CIMIP1: variants seen among roughly 807,000 people sequenced by gnomAD.
CIMIP1 encodes the protein ciliary microtubule inner protein 1.
At chr20:58,153,570 A>G in the CIMIP1 span, 4 of 1,614,076 alleles carry the variant, frequency 2.5e-6, no homozygotes, top group African/African-American at 5.3e-5. Context: ...GCTGAATCGG[A>G]AGCACGGCAG....
chr20:58,155,029 C>G, the CIMIP1 span, among the ~76,000 whole-genome samples: 1 of 152,208 alleles, frequency 6.6e-6, no homozygotes, highest in Admixed American at 6.5e-5. Context: ...TGGTCTTGAA[C>G]TCCTGAGCTC....
chr20:58,153,405 C>A, the CIMIP1 span: 2 of 658,668 alleles, frequency 3.0e-6, no homozygotes, highest in Non-Finnish European at 5.5e-6. Flanking sequence ...ATCAGAGGTT[C>A]TCACGCTGTC....
chr20:58,159,163 G>GTTTGCATC, the CIMIP1 span, among the ~76,000 whole-genome samples: 3 of 141,124 alleles, frequency 2.1e-5, no homozygotes, highest in Admixed American at 2.1e-4. Context: ...GTCAAAGAGT[G>GTTTGCATC]TTTGCATCTG....
the CIMIP1 span, chr20:58,153,570 A>C: frequency 6.2e-7 from 1 of 1,614,194 alleles, no homozygotes; most frequent in Non-Finnish European, 8.5e-7. Context: ...GCTGAATCGG[A>C]AGCACGGCAG....
chr20:58,157,468 C>A, the CIMIP1 span, among the ~76,000 whole-genome samples: 1 of 152,200 alleles, frequency 6.6e-6, no homozygotes, highest in Admixed American at 6.5e-5. Flanking sequence ...TACACACATA[C>A]TTTTTAGGTA....
the CIMIP1 span, chr20:58,155,498 C>G: frequency 6.2e-7 from 1 of 1,614,140 alleles, no homozygotes; most frequent in Non-Finnish European, 8.5e-7. Flanking sequence ...TCTCCCCACC[C>G]CAAAGCCCAA....
the CIMIP1 span, among the ~76,000 whole-genome samples, chr20:58,152,017 C>G: frequency 2.0e-5 from 3 of 152,110 alleles, no homozygotes; most frequent in African/African-American, 7.2e-5. Flanking sequence ...TTCAGTTATC[C>G]TATTTACCCT....
chr20:58,160,563 T>G, the CIMIP1 span: 1 of 1,358,090 alleles, frequency 7.4e-7, no homozygotes, highest in Non-Finnish European at 9.9e-7. Context: ...AGGCTGGCTT[T>G]TCTTTCTGTC....
At chr20:58,156,823 C>G in the CIMIP1 span, among the ~76,000 whole-genome samples, 1 of 152,062 alleles carries the variant, frequency 6.6e-6, no homozygotes, top group East Asian at 1.9e-4. Context: ...GAAGGTGGTT[C>G]TGCGTGCTGA....
the CIMIP1 span, chr20:58,155,406 T>C: frequency 7.4e-7 from 1 of 1,359,086 alleles, no homozygotes; most frequent in Non-Finnish European, 1.0e-6. Flanking sequence ...CTGGGGATTC[T>C]GTTTCAGTAC....
At chr20:58,153,327 C>T in the CIMIP1 span, among the ~76,000 whole-genome samples, 2 of 152,172 alleles carry the variant, frequency 1.3e-5, no homozygotes, top group African/African-American at 4.8e-5. Flanking sequence ...CCCTCTCAGC[C>T]GTAACAGCCA....
At chr20:58,151,532 C>G in the CIMIP1 span, among the ~76,000 whole-genome samples, 1 of 152,126 alleles carries the variant, frequency 6.6e-6, no homozygotes, top group Admixed American at 6.5e-5. Context: ...TCTGCCTCAG[C>G]TTCCCGAGTA....
At chr20:58,154,776 C>T in the CIMIP1 span, among the ~76,000 whole-genome samples, 11 of 152,178 alleles carry the variant, frequency 7.2e-5, no homozygotes, top group African/African-American at 1.4e-4. Flanking sequence ...TTTTAAAGTT[C>T]GGTCCTGAAA....
At chr20:58,153,021 C>G in the CIMIP1 span, among the ~76,000 whole-genome samples, 1 of 152,276 alleles carries the variant, frequency 6.6e-6, no homozygotes, top group East Asian at 1.9e-4. Context: ...GGCTCGTCTA[C>G]TGCAATGCCA....
the CIMIP1 span, among the ~76,000 whole-genome samples, chr20:58,155,860 G>A: frequency 1.4e-4 from 22 of 152,352 alleles, no homozygotes; most frequent in East Asian, 3.9e-3. Flanking sequence ...TTTCCAGGGT[G>A]TGGGCAGGAA....
At chr20:58,154,088 C>T in the CIMIP1 span, among the ~76,000 whole-genome samples, 1 of 152,202 alleles carries the variant, frequency 6.6e-6, no homozygotes, top group Admixed American at 6.5e-5. Flanking sequence ...GGACACCTCA[C>T]CTGGCCTGGA....
At chr20:58,157,189 C>T in the CIMIP1 span, among the ~76,000 whole-genome samples, 1 of 152,182 alleles carries the variant, frequency 6.6e-6, no homozygotes, top group African/African-American at 2.4e-5. Flanking sequence ...AGAGTAACCA[C>T]CCCACCAGCT....
At chr20:58,155,088 G>A in the CIMIP1 span, among the ~76,000 whole-genome samples, 1 of 152,246 alleles carries the variant, frequency 6.6e-6, no homozygotes, top group African/African-American at 2.4e-5. Flanking sequence ...TTACAGGCAT[G>A]AGCCACCACA....
chr20:58,160,355 T>A, the CIMIP1 span, among the ~76,000 whole-genome samples: 1 of 152,240 alleles, frequency 6.6e-6, no homozygotes, highest in African/African-American at 2.4e-5. Flanking sequence ...CAGTGAAAAC[T>A]GTAGCACTTG....
Sources: allele counts gnomAD v4.1 joint callset (sites outside exome capture counted in the v4.1 genomes callset), GRCh38; gene constraint gnomAD v4.1.1; transcripts MANE v1.5; gene names NCBI Gene and HGNC (gene_info 2026-07-23, HGNC 2026-07-21).